Variants in HPSE2 observed in about 807,000 individuals in gnomAD.
HPSE2 encodes heparanase 2 (inactive).
Under a neutral mutation model 60.5 loss-of-function variants are expected in HPSE2, and 38 were observed. The observed-to-expected ratio is 0.63, with a 90% CI of 0.48 to 0.82. HPSE2 has a LOEUF of 0.82. Ranked by LOEUF, HPSE2 falls within the 40% of genes least tolerant of loss-of-function variation. The pLI is 0.00. For missense variants in HPSE2, 713 were observed against 740.4 expected (o/e 0.96, Z 0.43); for synonymous variants, 295 against 293.2 (o/e 1.01, Z -0.06).
At chr10:98,502,745 C>T (rs934976099) in intron 9 of HPSE2, among the ~76,000 whole-genome samples, 1 of 152,116 alleles carries the variant, frequency 6.6e-6, no homozygotes. Context: ...AAGGAACAGT[C>T]AGCAGAGTAA....
chr10:98,526,207 A>G (rs180718587), intron 9 of HPSE2, among the ~76,000 whole-genome samples: 91 of 152,312 alleles, frequency 6.0e-4, no homozygotes, highest in African/African-American at 2.1e-3. Context: ...GTAGCAAGGA[A>G]GTCTCAGCCC....
At chr10:99,232,211 G>GCACACACACACACA (rs1456977785) in intron 2 of HPSE2, 137 bp downstream of exon 2, 1 of 696,256 alleles carries the variant, frequency 1.4e-6, no homozygotes, top group African/African-American at 3.4e-5. Flanking sequence ...GCGCGCGCGC[G>GCACACACACACACA]CATACACACA....
intron 3 of HPSE2, among the ~76,000 whole-genome samples, chr10:98,776,852 T>C (rs1431371056): frequency 2.6e-5 from 4 of 152,124 alleles, no homozygotes; most frequent in Non-Finnish European, 5.9e-5. Flanking sequence ...GTAGTAATAG[T>C]ATTGTGATTA....
chr10:98,673,473 G>T (rs1947558169), intron 6 of HPSE2, among the ~76,000 whole-genome samples: 1 of 152,180 alleles, frequency 6.6e-6, no homozygotes, highest in South Asian at 2.1e-4. Context: ...CATCAGAGCA[G>T]AATTTTAGGA....
intron 3 of HPSE2, among the ~76,000 whole-genome samples, chr10:99,032,010 G>T (rs554710282): frequency 3.0e-4 from 46 of 152,240 alleles, no homozygotes; most frequent in South Asian, 1.7e-3. Context: ...ATCAACCTAG[G>T]CTTTTAGTTT....
At chr10:98,638,386 A>C (rs573605526) in intron 7 of HPSE2, among the ~76,000 whole-genome samples, 1 of 152,026 alleles carries the variant, frequency 6.6e-6, no homozygotes, top group Non-Finnish European at 1.5e-5. Flanking sequence ...CGGAGCTTGC[A>C]GTGAGCTGAG....
At chr10:99,244,382 T>TTTATTATTATTATTATTATTATTA in the HPSE2 span, among the ~76,000 whole-genome samples, 4 of 134,182 alleles carry the variant, frequency 3.0e-5, no homozygotes, top group Non-Finnish European at 6.3e-5. Context: ...TTTTATTTCT[T>TTTATTATTATTATTATTATTATTA]TTATTATTAT....
chr10:98,581,257 A>G (rs1944790989), intron 9 of HPSE2, among the ~76,000 whole-genome samples: 1 of 152,122 alleles, frequency 6.6e-6, no homozygotes, highest in Non-Finnish European at 1.5e-5. Flanking sequence ...ACATTTAAAA[A>G]CAAAATTTGT....
chr10:98,781,008 C>T (rs1414447571), intron 3 of HPSE2, among the ~76,000 whole-genome samples: 2 of 152,030 alleles, frequency 1.3e-5, no homozygotes, highest in African/African-American at 4.8e-5. Flanking sequence ...TACTGATCTA[C>T]CTTTATCTCT....
chr10:98,607,859 T>C (rs947872503), intron 9 of HPSE2, among the ~76,000 whole-genome samples: 2 of 152,196 alleles, frequency 1.3e-5, no homozygotes, highest in Non-Finnish European at 2.9e-5. Context: ...ATATCAAATA[T>C]ATATTTGATA....
intron 9 of HPSE2, among the ~76,000 whole-genome samples, chr10:98,501,609 C>T (rs932037572): frequency 1.3e-5 from 2 of 152,074 alleles, no homozygotes; most frequent in African/African-American, 2.4e-5. Context: ...AATGGGGAAA[C>T]GTTGAAAGCA....
intron 3 of HPSE2, among the ~76,000 whole-genome samples, chr10:98,996,191 G>C (rs1168871116): frequency 6.6e-6 from 1 of 152,122 alleles, no homozygotes; most frequent in Non-Finnish European, 1.5e-5. Context: ...CAATGTATTA[G>C]TTTTCATTAA....
At chr10:98,711,422 C>T (rs1375664695) in intron 5 of HPSE2, among the ~76,000 whole-genome samples, 2 of 152,062 alleles carry the variant, frequency 1.3e-5, no homozygotes, top group East Asian at 3.9e-4. Flanking sequence ...ATTTTGTATG[C>T]TAGACTATTT....
chr10:99,072,025 GTTT>G (rs34940128), intron 3 of HPSE2, among the ~76,000 whole-genome samples: 1,832 of 145,754 alleles, frequency 0.013, 38 homozygotes, highest in African/African-American at 0.044. Flanking sequence ...AACTTTGTTT[GTTT>G]TTTTTTTTTT....
intron 2 of HPSE2, among the ~76,000 whole-genome samples, chr10:99,182,138 A>T (rs546293549): frequency 6.6e-6 from 1 of 152,342 alleles, no homozygotes; most frequent in African/African-American, 2.4e-5. Flanking sequence ...TTGTTATGGT[A>T]GCCCTAGCAA....
Position 99,232,520 on chromosome 10 carries a change from A to C in HPSE2, c.291-15T>G. The stretch of plus-strand genomic sequence containing the variant: ...AGCGCTTGGAGCTGCAGAGGAAGAG[A>C]ATAAGAGAGGAAAGGTTCCCAGGAC... On this transcript the variant is annotated splice_polypyrimidine_tract_variant and intron_variant, in intron 1 of 11. Transcript: ENST00000370552. 1.3e-6 allele frequency: 2 copies of C among 1,550,902 alleles called. No homozygotes were observed. Among genetic ancestry groups the C allele is most frequent in the Non-Finnish European group, 1.7e-6 (2 of 1,147,588 alleles).
intron 9 of HPSE2, among the ~76,000 whole-genome samples, chr10:98,593,673 A>G (rs563176986): frequency 6.6e-6 from 1 of 152,324 alleles, no homozygotes; most frequent in Admixed American, 6.5e-5. Context: ...CATAGAGTTT[A>G]GAGGTGAGTA....
chr10:98,597,106 T>C (rs1312878902), intron 9 of HPSE2, among the ~76,000 whole-genome samples: 1 of 152,054 alleles, frequency 6.6e-6, no homozygotes, highest in African/African-American at 2.4e-5. Flanking sequence ...CTCACTATCA[T>C]GAGAACAGCA....
chr10:98,547,108 C>T (rs1589402066), intron 9 of HPSE2, among the ~76,000 whole-genome samples: 8 of 120,700 alleles, frequency 6.6e-5, no homozygotes, highest in Admixed American at 1.7e-4. Context: ...CAATGAGATA[C>T]CATCTCACAC....
Sources: gnomAD v4.1 joint callset for allele counts (sites outside exome capture counted in the v4.1 genomes callset) on GRCh38, gnomAD v4.1.1 for gene constraint, MANE v1.5 for transcripts, NCBI Gene and HGNC (gene_info 2026-07-23, HGNC 2026-07-21) for gene names.